The following PIK3C2G variants were observed in gnomAD, a reference collection of about 807,000 sequenced individuals.
PIK3C2G encodes phosphatidylinositol-4-phosphate 3-kinase catalytic subunit type 2 gamma, also known as phosphatidylinositol 3-kinase C2 domain-containing subunit gamma.
In PIK3C2G, 168 loss-of-function variants were observed where a neutral mutation model predicts 181.1. The observed-to-expected ratio is 0.93, with a 90% CI of 0.82 to 1.05. The LOEUF (loss-of-function observed/expected upper bound fraction) is 1.05, where lower values mean the gene tolerates loss of function less well. PIK3C2G is among the 50% of genes least tolerant of loss of function. PIK3C2G has a pLI of 0.00. For missense variants in PIK3C2G, 1,869 were observed against 1,732.8 expected (o/e 1.08, Z -1.40); for synonymous variants, 573 against 592.2 (o/e 0.97, Z 0.47).
chr12:18,606,464 A>G (rs1271291448), intron 30 of PIK3C2G, among the ~76,000 whole-genome samples: 1 of 152,126 alleles, frequency 6.6e-6, no homozygotes, highest in Non-Finnish European at 1.5e-5. Flanking sequence ...GTGTTAGTCT[A>G]TATAGTCTCT....
chr12:18,686,307 A>T, the PIK3C2G span, among the ~76,000 whole-genome samples: 1 of 152,214 alleles, frequency 6.6e-6, no homozygotes, highest in Non-Finnish European at 1.5e-5. Flanking sequence ...CCTACTTAAA[A>T]GTCTGAATTT....
chr12:18,471,870 C>A (rs987459762), intron 18 of PIK3C2G, among the ~76,000 whole-genome samples: 1 of 151,848 alleles, frequency 6.6e-6, no homozygotes, highest in Non-Finnish European at 1.5e-5. Flanking sequence ...ACATGTTACC[C>A]ATAGTCAATA....
At chr12:18,307,749 T>A (rs936329112) in intron 5 of PIK3C2G, among the ~76,000 whole-genome samples, 3 of 151,890 alleles carry the variant, frequency 2.0e-5, no homozygotes, top group Admixed American at 6.6e-5. Flanking sequence ...TTCTTTCTAT[T>A]ATTTAATGCT....
At chr12:18,274,835 G>A (rs1236429014) in intron 1 of PIK3C2G, among the ~76,000 whole-genome samples, 1 of 152,040 alleles carries the variant, frequency 6.6e-6, no homozygotes, top group Admixed American at 6.6e-5. Context: ...TTATTTTCAT[G>A]TCCTCCACCT....
intron 11 of PIK3C2G, among the ~76,000 whole-genome samples, chr12:18,357,802 C>T (rs1043716583): frequency 3.9e-5 from 6 of 152,092 alleles, no homozygotes; most frequent in South Asian, 2.1e-4. Flanking sequence ...TCCAAGTGCC[C>T]GGTAACCAAC....
intron 5 of PIK3C2G, among the ~76,000 whole-genome samples, chr12:18,304,200 T>C (rs73064511): frequency 0.06 from 9,124 of 152,226 alleles, 404 homozygotes; most frequent in Non-Finnish European, 0.093. Context: ...ATAATCCTTT[T>C]CAAAAAACTT....
chr12:18,703,271 T>A, the PIK3C2G span, among the ~76,000 whole-genome samples: 1 of 152,178 alleles, frequency 6.6e-6, no homozygotes, highest in South Asian at 2.1e-4. Context: ...ACACAGTTCA[T>A]TTTTTTCTGT....
chr12:18,699,642 C>G, the PIK3C2G span: 116 of 788,690 alleles, frequency 1.5e-4, no homozygotes, highest in Middle Eastern at 4.3e-3. Flanking sequence ...CTTAATGAGA[C>G]CTGAGGTATG....
the PIK3C2G span, among the ~76,000 whole-genome samples, chr12:18,719,871 G>A: frequency 6.6e-6 from 1 of 151,384 alleles, no homozygotes; most frequent in Admixed American, 6.6e-5. Context: ...CTTTTTTTAT[G>A]TTTTGAAAAT....
At chr12:18,713,650 AG>A in the PIK3C2G span, 1 of 152,294 alleles carries the variant, frequency 6.6e-6, no homozygotes, top group East Asian at 1.9e-4. Context: ...GAGAAAATCA[AG>A]GTTTATGCAA....
chr12:18,396,597 C>T (rs1216195890), intron 15 of PIK3C2G, among the ~76,000 whole-genome samples: 2 of 151,364 alleles, frequency 1.3e-5, no homozygotes, highest in Non-Finnish European at 3.0e-5. Flanking sequence ...ATGTAAAGGT[C>T]ACAGCATTTG....
At chr12:18,482,469 A>T (rs1052414401) in intron 18 of PIK3C2G, among the ~76,000 whole-genome samples, 5 of 151,986 alleles carry the variant, frequency 3.3e-5, no homozygotes, top group Admixed American at 1.3e-4. Flanking sequence ...CCACCAGGAG[A>T]TTTGGCTCTG....
intron 26 of PIK3C2G, among the ~76,000 whole-genome samples, chr12:18,558,510 CAA>C (rs1388592550): frequency 6.6e-6 from 1 of 152,218 alleles, no homozygotes; most frequent in African/African-American, 2.4e-5. Context: ...TCATCTCACA[CAA>C]AGTCAAAGTT....
intron 11 of PIK3C2G, among the ~76,000 whole-genome samples, chr12:18,356,630 G>A (rs527744372): frequency 1.4e-4 from 21 of 152,182 alleles, no homozygotes; most frequent in Admixed American, 3.3e-4. Flanking sequence ...TGGTAAATGT[G>A]GGGGATTTCA....
At chr12:18,481,305 G>T (rs1939539160) in intron 18 of PIK3C2G, among the ~76,000 whole-genome samples, 1 of 152,114 alleles carries the variant, frequency 6.6e-6, no homozygotes, top group Non-Finnish European at 1.5e-5. Context: ...CCTGCATCAG[G>T]CTCCCGGGTT....
chr12:18,297,728 C>T (rs1326937460), intron 5 of PIK3C2G, among the ~76,000 whole-genome samples: 1 of 151,980 alleles, frequency 6.6e-6, no homozygotes, highest in African/African-American at 2.4e-5. Flanking sequence ...TATCATGCTA[C>T]ACTCTAACTC....
At chr12:18,470,407 A>G (rs1339739426) in intron 18 of PIK3C2G, among the ~76,000 whole-genome samples, 5 of 152,084 alleles carry the variant, frequency 3.3e-5, no homozygotes, top group African/African-American at 1.2e-4. Flanking sequence ...TAACTTAGAG[A>G]TGCATATCCC....
At chr12:18,510,102 T>C (rs1193247040) in intron 24 of PIK3C2G, among the ~76,000 whole-genome samples, 1 of 152,136 alleles carries the variant, frequency 6.6e-6, no homozygotes, top group Non-Finnish European at 1.5e-5. Flanking sequence ...CCCAAGTAGC[T>C]GGGACCAGAG....
At chr12:18,397,843 A>G (rs1255697578) in intron 15 of PIK3C2G, among the ~76,000 whole-genome samples, 2 of 152,104 alleles carry the variant, frequency 1.3e-5, no homozygotes, top group Admixed American at 6.5e-5. Flanking sequence ...TTTATTCATA[A>G]TACCCCCCCA....
Sources: gnomAD v4.1 joint callset for allele counts (sites outside exome capture counted in the v4.1 genomes callset) on GRCh38, gnomAD v4.1.1 for gene constraint, MANE v1.5 for transcripts, NCBI Gene and HGNC (gene_info 2026-07-23, HGNC 2026-07-21) for gene names.